The following ATOH8 variants were observed in gnomAD, a reference collection of about 807,000 sequenced individuals.
ATOH8 encodes transcription factor ATOH8.
Under a neutral mutation model 21.2 loss-of-function variants are expected in ATOH8, and 9 were observed. The ratio of observed to expected loss-of-function variants is 0.42; its 90% CI spans 0.26 to 0.74. The LOEUF is 0.74. Ranked by LOEUF, ATOH8 falls within the 30% of genes least tolerant of loss-of-function variation. The probability of loss-of-function intolerance (pLI) is 0.24; values close to 1 mark genes in which losing one functional copy is unlikely to be tolerated. For synonymous variants in ATOH8, 253 were observed against 224.0 expected (o/e 1.13, Z -1.16); for missense variants, 524 against 470.9 (o/e 1.11, Z -1.04).
chr2:85,772,009 G>T (rs903263766), intron 2 of ATOH8, among the ~76,000 whole-genome samples: 2 of 152,226 alleles, frequency 1.3e-5, no homozygotes, highest in Admixed American at 1.3e-4. Context: ...CCTGAAGCTC[G>T]CACACTGCCC....
chr2:85,754,542 G>GGCCAGGACTCCCCACGCCGCC lies in ATOH8; in HGVS notation c.357_377dup (p.Gly120_Pro126dup), dbSNP rs1679612248. The GGCCAGGACTCCCCACGCCGCC allele has an allele frequency of 7.0e-7, 1 of 1,437,618 alleles. No homozygotes were observed. Among genetic ancestry groups the GGCCAGGACTCCCCACGCCGCC allele is most frequent in the East Asian group, 2.8e-5 (1 of 35,496 alleles). 89.1% of individuals were successfully genotyped at this position (1,437,618 alleles called of 1,614,324 possible). A position where few individuals can be genotyped will look rare whatever the true frequency, so the allele number is the denominator to read the frequency against. On this transcript the variant is annotated inframe_insertion, in exon 1 of 3. Transcript: ENST00000306279. Reference sequence around the variant, plus strand: ...CGCTGCTTCGCCCTAGGCGCAGTGGGGCCAGGACTCCCCACGCCGCCGCCG... The same window carrying GGCCAGGACTCCCCACGCCGCC: ...CGCTGCTTCGCCCTAGGCGCAGTGGGGCCAGGACTCCCCACGCCGCCGCCAGGACTCCCCACGCCGCCGCCG...
intron 2 of ATOH8, among the ~76,000 whole-genome samples, chr2:85,765,569 C>G (rs1679991361): frequency 6.6e-6 from 1 of 152,192 alleles, no homozygotes; most frequent in African/African-American, 2.4e-5. Context: ...ATTGATGGCT[C>G]CCGCGGCGCT....
At chr2:85,770,462 C>T in intron 2 of ATOH8, among the ~76,000 whole-genome samples, 1 of 152,216 alleles carries the variant, frequency 6.6e-6, no homozygotes, top group East Asian at 1.9e-4. Flanking sequence ...GGTGGGAAAC[C>T]ACCATCAAAT....
rs558235750 is a variant in ATOH8 at position 85,755,366 on chromosome 2, C to T, written c.768+409C>T. Reference sequence around the variant, plus strand: ...CAGTTGGTGGTGGCAAGGTCCGGAACGCTGCGGTGGGACAGTCCGGGGGAG... The same window carrying T: ...CAGTTGGTGGTGGCAAGGTCCGGAATGCTGCGGTGGGACAGTCCGGGGGAG... On this transcript the variant is annotated intron_variant, in intron 1 of 2. Coordinates refer to ENST00000306279, the MANE Select transcript of ATOH8 (RefSeq NM_032827.7). Among the ~76,000 whole-genome samples the T allele has an allele frequency of 5.3e-5, 8 of 152,260 alleles. No individual in the cohort carries two copies. In the East Asian group the frequency reaches 1.4e-3, roughly 26 times the overall value.
Position 85,766,239 on chromosome 2 carries a change from G to A in ATOH8, c.960+2057G>A, listed in dbSNP as rs983067652. Among the ~76,000 whole-genome samples the A allele has an allele frequency of 2.6e-5, 4 of 152,086 alleles. No individual in the cohort carries two copies. The highest frequency in any genetic ancestry group is 4.4e-5 in the Non-Finnish European group (3 of 68,022). ...TCTGAACTTGAGGCTTATCCTATGGGGCTTACTTATGTGGTGAAATTGCCC... is the reference window on the plus strand; with the variant it reads ...TCTGAACTTGAGGCTTATCCTATGGAGCTTACTTATGTGGTGAAATTGCCC... On this transcript the variant is annotated intron_variant, in intron 2 of 2. Transcript: ENST00000306279. This position sits in a 1 kb window ranked among gnomAD's most constrained non-coding sequence, Gnocchi z 4.0.
chr2:85,779,065 C>T (rs1013802409), intron 2 of ATOH8, among the ~76,000 whole-genome samples: 1 of 151,710 alleles, frequency 6.6e-6, no homozygotes, highest in Non-Finnish European at 1.5e-5. Flanking sequence ...CTGGGTGCCT[C>T]CTCCAGCCTG....
intron 2 of ATOH8, chr2:85,774,878 T>C: frequency 1.1e-6 from 1 of 920,736 alleles, no homozygotes; most frequent in Non-Finnish European, 1.3e-6. Flanking sequence ...CCTTCTCCAC[T>C]GTCTGCCTGG....
At chr2:85,768,716 C>T (rs1287529876) in intron 2 of ATOH8, among the ~76,000 whole-genome samples, 1 of 152,202 alleles carries the variant, frequency 6.6e-6, no homozygotes, top group African/African-American at 2.4e-5. Context: ...GGGCACTCAG[C>T]TCCCCCTCCA....
chr2:85,754,741 G>A lies in ATOH8; in HGVS notation c.552G>A (p.Pro184=), dbSNP rs749916737. ...PPESTVRPAP[P]TRPGESSYSS... is the part of the protein sequence containing the mutation. ...AGTCCACTGTGCGCCCTGCGCCCCC[G>A]ACGCGCCCCGGGGAAAGTTCCTACT... The change falls in exon 1 of 3, where the codon CCG becomes CCA. Residue 184 remains proline, a synonymous_variant. Coordinates refer to ENST00000306279, the MANE Select transcript of ATOH8 (RefSeq NM_032827.7). The A allele has an allele frequency of 6.2e-7, 1 of 1,612,656 alleles. No individual in the cohort carries two copies. The highest frequency in any genetic ancestry group is 8.5e-7 in the Non-Finnish European group (1 of 1,179,746).
chr2:85,761,110 G>A (rs1321534741), intron 1 of ATOH8, among the ~76,000 whole-genome samples: 2 of 152,144 alleles, frequency 1.3e-5, no homozygotes, highest in Non-Finnish European at 2.9e-5. Context: ...TCTAGGGGTC[G>A]GGGAGAAGGA....
chr2:85,779,658 T>G (rs1329774117), intron 2 of ATOH8, among the ~76,000 whole-genome samples: 1 of 152,102 alleles, frequency 6.6e-6, no homozygotes, highest in Non-Finnish European at 1.5e-5. Flanking sequence ...GAAACTGAGG[T>G]CTGTAGGGGT....
At chr2:85,778,706 C>A (rs115739360) in intron 2 of ATOH8, among the ~76,000 whole-genome samples, 1 of 152,106 alleles carries the variant, frequency 6.6e-6, no homozygotes, top group South Asian at 2.1e-4. Context: ...TGTCACTTTG[C>A]GGTAAGGACT....
rs1413280838 is a variant in ATOH8, at chr2:85,785,762, GGAAT to G, written c.961-1121_961-1118del. 6.6e-6 allele frequency among the ~76,000 whole-genome samples: 1 copy of G among 152,124 alleles called. No homozygotes were observed. The highest frequency in any genetic ancestry group is 1.5e-5 in the Non-Finnish European group (1 of 68,022). On this transcript the variant is annotated intron_variant, in intron 2 of 2. Transcript: ENST00000306279. This position sits in a 1 kb window ranked among gnomAD's most constrained non-coding sequence, Gnocchi z 4.1. ...TGCTCACTCATGAGAGGGGGGAATG[GGAAT>G]GCTCCCTGGCAGGTCGGAGGTGCCT...
chr2:85,754,916 G>A lies in ATOH8; in HGVS notation c.727G>A (p.Val243Met), dbSNP rs1357838432. The A allele has an allele frequency of 6.2e-7, 1 of 1,608,202 alleles. No homozygotes were observed. The highest frequency in any genetic ancestry group is 8.5e-7 in the Non-Finnish European group (1 of 1,179,530). ...GGCGAACGCCAGGGAGCGGACGCGG[G>A]TGCACACCATCAGCGCAGCCTTCGA... ...LLANARERTR[V>M]HTISAAFEAL... is the part of the protein sequence containing the mutation. The change falls in exon 1 of 3, where the codon GTG becomes ATG. Residue 243 changes from valine (V) to methionine (M), a missense_variant. Val to Met is a conservative substitution (Grantham distance 21, BLOSUM62 1). Coordinates refer to ENST00000306279, the MANE Select transcript of ATOH8 (RefSeq NM_032827.7).
rs1428989255 is a variant in ATOH8 at position 85,788,945 on chromosome 2, G to T, written c.*2055G>T. ...ACTGGACAGAGTGGGCATGGAATGGGGCCAGGAGGGTCTGTTAGGAAGGTT... is the reference window on the plus strand; with the variant it reads ...ACTGGACAGAGTGGGCATGGAATGGTGCCAGGAGGGTCTGTTAGGAAGGTT... On this transcript the variant is annotated 3_prime_UTR_variant, in exon 3 of 3. Transcript: ENST00000306279. Among the ~76,000 whole-genome samples the T allele has an allele frequency of 6.6e-6, 1 of 152,152 alleles. No individual in the cohort carries two copies. Among genetic ancestry groups the T allele is most frequent in the Admixed American group, 6.5e-5 (1 of 15,274 alleles).
chr2:85,765,637 C>T (rs925977326), intron 2 of ATOH8, among the ~76,000 whole-genome samples: 2 of 152,156 alleles, frequency 1.3e-5, no homozygotes, highest in Admixed American at 6.5e-5. Context: ...TCAGGCGGTC[C>T]GGAGGTGTAG....
In ATOH8 at chr2:85,754,567, G is replaced by A. The variant is rs1679615278; in HGVS notation, c.378G>A (p.Pro126=). The A allele has an allele frequency of 4.2e-6, 6 of 1,439,522 alleles. No individual in the cohort carries two copies. Among genetic ancestry groups the A allele is most frequent in the Non-Finnish European group, 4.5e-6 (5 of 1,107,990 alleles). 89.2% of individuals were successfully genotyped at this position (1,439,522 alleles called of 1,614,324 possible). A position where few individuals can be genotyped will look rare whatever the true frequency, so the allele number is the denominator to read the frequency against. ...AVGPGLPTPP[P]PPPPAPQSQA... The stretch of plus-strand genomic sequence containing the variant: ...GGCCAGGACTCCCCACGCCGCCGCC[G>A]CCGCCGCCTCCTGCGCCCCAGAGCC... Residue 126 remains proline, a synonymous_variant, in exon 1 of 3, where the codon CCG becomes CCA. Transcript: ENST00000306279.
At chr2:85,784,908 T>C (rs1280774004) in intron 2 of ATOH8, among the ~76,000 whole-genome samples, 4 of 152,230 alleles carry the variant, frequency 2.6e-5, no homozygotes, top group Non-Finnish European at 5.9e-5. Context: ...GGATGGATGA[T>C]GTATGTGCTG....
intron 2 of ATOH8, among the ~76,000 whole-genome samples, chr2:85,777,272 A>C (rs147163660): frequency 6.6e-6 from 1 of 152,200 alleles, no homozygotes; most frequent in East Asian, 1.9e-4. Context: ...GCCTGCATAC[A>C]GTTCTTACGA....
Sources: allele counts gnomAD v4.1 joint callset (sites outside exome capture counted in the v4.1 genomes callset), GRCh38; gene constraint gnomAD v4.1.1; non-coding constraint Gnocchi (gnomAD v3.1); transcripts MANE v1.5; gene names NCBI Gene and HGNC (gene_info 2026-07-23, HGNC 2026-07-21).